Variants in DMXL1 observed in about 807,000 individuals in gnomAD.
DMXL1 encodes dmX-like protein 1.
Under a neutral mutation model 319.2 loss-of-function variants are expected in DMXL1, and 99 were observed. The ratio of observed to expected loss-of-function variants is 0.31; its 90% CI spans 0.26 to 0.37. The LOEUF is 0.37. Among genes scored for constraint, DMXL1 ranks in the 10% least tolerant of loss-of-function variants. The probability of loss-of-function intolerance (pLI) is 1.00; values close to 1 mark genes in which losing one functional copy is unlikely to be tolerated. For synonymous variants in DMXL1, 1,385 were observed against 1,235.2 expected (o/e 1.12, Z -2.54); for missense variants, 3,745 against 3,595.6 (o/e 1.04, Z -1.06).
Position 119,177,361 on chromosome 5 carries a change from T to C in DMXL1, c.6763T>C (p.Phe2255Leu). The change falls in exon 27 of 44, where the codon TTT becomes CTT. Residue 2255 changes from phenylalanine (F) to leucine (L), a missense_variant. Coordinates refer to ENST00000539542, the MANE Select transcript of DMXL1 (RefSeq NM_001290321.3). The part of the protein sequence containing the change: ...CLCGSHNYSS[F>L]QTNQFTGMVY... ...AATATTGTTTTTTTCTCTTAGTTCA[T>C]TTCAGACGAATCAGTTTACTGGAAT... The C allele has an allele frequency of 6.5e-7, 1 of 1,544,584 alleles. No individual in the cohort carries two copies. The highest frequency in any genetic ancestry group is 8.7e-7 in the Non-Finnish European group (1 of 1,146,988).
At chr5:119,239,377 A>G (rs372962488) in intron 41 of DMXL1, among the ~76,000 whole-genome samples, 1 of 152,166 alleles carries the variant, frequency 6.6e-6, no homozygotes, top group Non-Finnish European at 1.5e-5. Flanking sequence ...CTGTAAGGCC[A>G]CACTTTGCAC....
At chr5:119,182,600 G>A (rs764211525) in intron 28 of DMXL1, among the ~76,000 whole-genome samples, 32 of 151,616 alleles carry the variant, frequency 2.1e-4, no homozygotes, top group Non-Finnish European at 4.6e-4. Flanking sequence ...ATGTATTCTT[G>A]TAGTAACATA....
chr5:119,164,788 G>C, intron 20 of DMXL1, 112 bp downstream of exon 20: 4 of 936,782 alleles, frequency 4.3e-6, no homozygotes, highest in Non-Finnish European at 6.3e-6. Context: ...AGCAGCAAAA[G>C]GCTTTTGAAT....
intron 34 of DMXL1, among the ~76,000 whole-genome samples, chr5:119,213,272 C>T (rs888679204): frequency 6.6e-6 from 1 of 152,134 alleles, no homozygotes; most frequent in African/African-American, 2.4e-5. Flanking sequence ...CTAACCTGCC[C>T]ATCATCATCT....
At chr5:119,210,757 G>GTTTTTTTTT in intron 34 of DMXL1, among the ~76,000 whole-genome samples, 7 of 89,780 alleles carry the variant, frequency 7.8e-5, no homozygotes, top group Non-Finnish European at 1.5e-4. Context: ...TTTTTCTTTC[G>GTTTTTTTTT]TTTTTTTTTT....
At chr5:119,181,271 C>T (rs1776725868) in intron 28 of DMXL1, among the ~76,000 whole-genome samples, 1 of 152,042 alleles carries the variant, frequency 6.6e-6, no homozygotes, top group Non-Finnish European at 1.5e-5. Context: ...TAACCTCAGC[C>T]AATAATAAGG....
chr5:119,202,116 G>C (rs1241281750), intron 32 of DMXL1, among the ~76,000 whole-genome samples: 1 of 151,894 alleles, frequency 6.6e-6, no homozygotes, highest in Non-Finnish European at 1.5e-5. Context: ...GCTAGCTTTG[G>C]GGTTTATTTG....
intron 30 of DMXL1, 136 bp from the exon 31 acceptor site, chr5:119,196,235 C>T (rs996043648): frequency 3.0e-6 from 2 of 670,414 alleles, no homozygotes; most frequent in Non-Finnish European, 5.3e-6. Context: ...TACCTCTATG[C>T]ATATATTATT....
At chr5:119,094,154 G>A (rs1209013800) in intron 1 of DMXL1, among the ~76,000 whole-genome samples, 1 of 152,216 alleles carries the variant, frequency 6.6e-6, no homozygotes, top group African/African-American at 2.4e-5. Context: ...CCTTCTGTTG[G>A]AAGAAGATGC....
chr5:119,121,033 A>G lies in DMXL1; in HGVS notation c.996A>G (p.Gly332=), dbSNP rs1006859606. The change falls in exon 9 of 44, where the codon GGA becomes GGG. Residue 332 remains glycine (G), a synonymous_variant. Transcript: ENST00000539542. ...RRSLALVAHT[G]YLPHQQDPHH... ...CACTTGCTCTTGTAGCACATACGGG[A>G]TATCTACCACATCAGCAGGATCCTC... is the stretch of plus-strand genomic sequence containing the variant. The G allele has an allele frequency of 8.1e-6, 13 of 1,613,624 alleles. No individual in the cohort carries two copies. Among genetic ancestry groups the G allele is most frequent in the African/African-American group, 8.0e-5 (6 of 74,900 alleles).
At chr5:119,234,144 A>G (rs1278313893) in intron 39 of DMXL1, among the ~76,000 whole-genome samples, 1 of 152,016 alleles carries the variant, frequency 6.6e-6, no homozygotes, top group Non-Finnish European at 1.5e-5. Flanking sequence ...TACTGTCTTC[A>G]CTTCTCATAA....
At chr5:119,079,006 A>G (rs1285522822) in intron 1 of DMXL1, among the ~76,000 whole-genome samples, 1 of 151,956 alleles carries the variant, frequency 6.6e-6, no homozygotes, top group South Asian at 2.1e-4. Context: ...GATCAGTCTC[A>G]TGTTCTTTCT....
At chr5:119,155,348 G>A (rs1356848365) in intron 19 of DMXL1, among the ~76,000 whole-genome samples, 4 of 152,170 alleles carry the variant, frequency 2.6e-5, no homozygotes, top group Non-Finnish European at 4.4e-5. Flanking sequence ...TTGGGGACAT[G>A]TGTAATTCAT....
At chr5:119,124,935 A>G (rs550036709) in intron 9 of DMXL1, among the ~76,000 whole-genome samples, 1 of 152,294 alleles carries the variant, frequency 6.6e-6, no homozygotes, top group African/African-American at 2.4e-5. Context: ...AAATTAAGAT[A>G]CTTCTATTAA....
At chr5:119,192,453 T>A (rs559174585) in intron 29 of DMXL1, among the ~76,000 whole-genome samples, 1 of 152,308 alleles carries the variant, frequency 6.6e-6, no homozygotes, top group East Asian at 1.9e-4. Flanking sequence ...CCCATTTCTC[T>A]GTTCCCACTC....
rs1580504681 is a variant in DMXL1 at position 119,071,221 on chromosome 5, C to T, written c.-349C>T. ...GGGTCAGGAGCGGCTGCCCGAGGTCCAGAGGAAGTGTGTGGACAGCGCGGC... is the reference window on the plus strand; with the variant it reads ...GGGTCAGGAGCGGCTGCCCGAGGTCTAGAGGAAGTGTGTGGACAGCGCGGC... On this transcript the variant is annotated 5_prime_UTR_variant, in exon 1 of 44. Transcript: ENST00000539542. 2 of 295,812 alleles carry T rather than the reference C, an allele frequency of 6.8e-6. No homozygotes were observed. Among genetic ancestry groups the T allele is most frequent in the Non-Finnish European group, 1.3e-5 (2 of 155,642 alleles). The allele number at this position is 295,812 out of a possible 1,614,324, so 18.3% of individuals were successfully genotyped here. A position where few individuals can be genotyped will look rare whatever the true frequency, so the allele number is the denominator to read the frequency against.
chr5:119,203,006 A>G (rs1248740044), intron 32 of DMXL1, among the ~76,000 whole-genome samples: 1 of 150,998 alleles, frequency 6.6e-6, no homozygotes, highest in Non-Finnish European at 1.5e-5. Context: ...TATATATTCA[A>G]ATATTTCAAA....
intron 35 of DMXL1, among the ~76,000 whole-genome samples, 187 bp from the exon 36 acceptor site, chr5:119,220,285 T>G (rs558497573): frequency 6.6e-6 from 1 of 152,306 alleles, no homozygotes; most frequent in African/African-American, 2.4e-5. Flanking sequence ...TTGGATGTAC[T>G]TTTCATAGAA....
Position 119,134,684 on chromosome 5 carries a change from G to C in DMXL1, c.2376+295G>C, listed in dbSNP as rs562548119. On this transcript the variant is annotated intron_variant, in intron 13 of 43. Transcript: ENST00000539542. ...ACAGTATAATGTAGAAGTTATATCG[G>C]CCCCCCTGCAATTATTTTATAGGCA... Among the ~76,000 whole-genome samples, 11 of 152,226 alleles carry C rather than the reference G, an allele frequency of 7.2e-5. No homozygotes were observed. In the East Asian group the frequency reaches 2.1e-3, roughly 29 times the overall value.
Sources: allele counts gnomAD v4.1 joint callset (sites outside exome capture counted in the v4.1 genomes callset), GRCh38; gene constraint gnomAD v4.1.1; transcripts MANE v1.5; gene names NCBI Gene and HGNC (gene_info 2026-07-23, HGNC 2026-07-21).